The following ACSL5 variants were observed in gnomAD, a reference collection of about 807,000 sequenced individuals.
ACSL5 encodes the protein long-chain-fatty-acid--CoA ligase 5.
A neutral mutation model predicts 84.9 loss-of-function variants in ACSL5; 50 were observed. The ratio of observed to expected loss-of-function variants is 0.59; its 90% confidence interval spans 0.47 to 0.75. ACSL5 has a LOEUF of 0.75. Ranked by LOEUF, ACSL5 falls within the 30% of genes least tolerant of loss-of-function variation. ACSL5 has a pLI of 0.00. For synonymous variants in ACSL5, 280 were observed against 300.7 expected (o/e 0.93, Z 0.71); for missense variants, 775 against 830.4 (o/e 0.93, Z 0.82).
intron 1 of ACSL5, among the ~76,000 whole-genome samples, chr10:112,388,154 G>A (rs1037944104): frequency 3.3e-5 from 5 of 152,052 alleles, no homozygotes; most frequent in African/African-American, 4.8e-5. Flanking sequence ...TGGCCAGGCT[G>A]GTCTCGAACT....
chr10:112,392,597 C>T (rs1039420373), intron 1 of ACSL5, among the ~76,000 whole-genome samples: 2 of 151,998 alleles, frequency 1.3e-5, no homozygotes, highest in Non-Finnish European at 2.9e-5. Flanking sequence ...AAAAAGTAGG[C>T]CGGCATGGTG....
chr10:112,376,220 C>T lies in ACSL5; in HGVS notation c.-30+1951C>T, dbSNP rs74802221. On this transcript the variant is annotated intron_variant, in intron 1 of 20. Coordinates refer to ENST00000354655, the MANE Select transcript of ACSL5 (RefSeq NM_203379.2). ...AATTAAAACCAGGAAGTGAAGTCCCCGAGCACGTTAGAAAGCCTGACATGG... is the reference window on the plus strand; with the variant it reads ...AATTAAAACCAGGAAGTGAAGTCCCTGAGCACGTTAGAAAGCCTGACATGG... 2,622 of 1,534,172 alleles carry T rather than the reference C, an allele frequency of 1.7e-3. 41 individuals are homozygous for T. In the African/African-American group the frequency reaches 0.032, roughly 19 times the overall value.
chr10:112,411,976 A>ACAGGTGAGTGTT lies in ACSL5; in HGVS notation c.947_948+10dup. On this transcript the variant is annotated inframe_insertion, in exon 11 of 21. Transcript: ENST00000354655. Reference sequence around the variant, plus strand: ...TGGCTCATATGTTTGAGAGGATTGTACAGGTGAGTGTTCTGTGTTCCTAGC... The same window carrying ACAGGTGAGTGTT: ...TGGCTCATATGTTTGAGAGGATTGTACAGGTGAGTGTTCAGGTGAGTGTTCTGTGTTCCTAGC... 1 of 1,611,786 alleles carries ACAGGTGAGTGTT rather than the reference A, an allele frequency of 6.2e-7. No homozygotes were observed. The highest frequency in any genetic ancestry group is 8.5e-7 in the Non-Finnish European group (1 of 1,177,838).
At position 112,395,106 on chromosome 10, in the gene ACSL5, A is replaced by G; in HGVS notation, c.156+4A>G. On this transcript the variant is annotated splice_donor_region_variant and intron_variant, in intron 2 of 20. Coordinates refer to ENST00000354655, the MANE Select transcript of ACSL5 (RefSeq NM_203379.2). ...CAATCAGTCTGTGGGAATTGAGGTAATTTACCAGTCATCCTTTTAGTTTGT... is the reference window on the plus strand; with the variant it reads ...CAATCAGTCTGTGGGAATTGAGGTAGTTTACCAGTCATCCTTTTAGTTTGT... 1 of 1,610,304 alleles carries G rather than the reference A, an allele frequency of 6.2e-7. No homozygotes were observed.
At chr10:112,416,301 C>T (rs1453881291) in intron 12 of ACSL5, among the ~76,000 whole-genome samples, 1 of 151,936 alleles carries the variant, frequency 6.6e-6, no homozygotes, top group Non-Finnish European at 1.5e-5. Flanking sequence ...GAAACCCTGT[C>T]TCTACTAAAA....
chr10:112,389,530 C>T (rs944369331), intron 1 of ACSL5, among the ~76,000 whole-genome samples: 2 of 152,112 alleles, frequency 1.3e-5, no homozygotes, highest in Admixed American at 6.5e-5. Context: ...CATGACAGAG[C>T]CCTCTTTCCT....
At chr10:112,411,561 T>C in intron 10 of ACSL5, 32 bp downstream of exon 10, 1 of 1,582,116 alleles carries the variant, frequency 6.3e-7, no homozygotes, top group Non-Finnish European at 8.7e-7. Context: ...AGGCTCTCAT[T>C]AAAATGTGAA....
At chr10:112,413,031 GC>G in intron 11 of ACSL5, 141 bp from the exon 12 acceptor site, 1 of 815,746 alleles carries the variant, frequency 1.2e-6, no homozygotes. Flanking sequence ...GTGTGCCTCA[GC>G]CCACTTCCCA....
chr10:112,408,351 G>T, intron 5 of ACSL5, 71 bp from the exon 6 acceptor site: 27 of 873,336 alleles, frequency 3.1e-5, no homozygotes, highest in Non-Finnish European at 4.3e-5. Context: ...GACAGCATTT[G>T]TTGGCTGAAT....
At chr10:112,415,983 C>G (rs924057060) in intron 12 of ACSL5, among the ~76,000 whole-genome samples, 11 of 151,924 alleles carry the variant, frequency 7.2e-5, no homozygotes, top group Non-Finnish European at 1.5e-5. Flanking sequence ...GGAAATCATG[C>G]GAGCTGGAAA....
chr10:112,408,634 G>C (rs1844106295), intron 6 of ACSL5, 113 bp downstream of exon 6: 1 of 765,132 alleles, frequency 1.3e-6, no homozygotes, highest in Non-Finnish European at 2.2e-6. Flanking sequence ...GAAATGCTGT[G>C]GTCGGAAAAT....
chr10:112,424,843 C>G (rs1187704733), intron 17 of ACSL5: 1 of 152,226 alleles, frequency 6.6e-6, no homozygotes, highest in East Asian at 1.9e-4. Context: ...CCTAACAAGC[C>G]CAGTAATTGA....
chr10:112,376,486 G>T (rs1460426795), intron 1 of ACSL5: 1 of 1,613,174 alleles, frequency 6.2e-7, no homozygotes, highest in Non-Finnish European at 8.5e-7. Flanking sequence ...TCAGCAAGGG[G>T]GTCTTGTGAG....
At chr10:112,376,587 T>A in intron 1 of ACSL5, 2 of 1,220,372 alleles carry the variant, frequency 1.6e-6, no homozygotes, top group Non-Finnish European at 2.3e-6. Context: ...GGGCACATCA[T>A]GCTGTCTCCC....
intron 1 of ACSL5, among the ~76,000 whole-genome samples, chr10:112,392,103 G>C (rs1025729877): frequency 4.6e-5 from 7 of 152,190 alleles, no homozygotes; most frequent in African/African-American, 1.4e-4. Flanking sequence ...TTCCATAGTC[G>C]AACAGGAGGG....
intron 1 of ACSL5, among the ~76,000 whole-genome samples, chr10:112,387,936 C>CTT (rs35032191): frequency 0.31 from 36,379 of 118,306 alleles, 6,584 homozygotes; most frequent in East Asian, 0.5. Context: ...TTATTTGTTC[C>CTT]TTTTTTTTTT....
Position 112,394,970 on chromosome 10 carries a change from G to T in ACSL5, c.24G>T (p.Leu8Phe). The T allele has an allele frequency of 6.2e-7, 1 of 1,612,878 alleles. No individual in the cohort carries two copies. The highest frequency in any genetic ancestry group is 8.5e-7 in the Non-Finnish European group (1 of 1,179,788). MLFIFNFLFSPLPTPALI... is the reference protein window; with the variant it reads MLFIFNFFFSPLPTPALI... ...AGATGCTTTTTATCTTTAACTTTTT[G>T]TTTTCCCCACTTCCGACCCCGGCGT... Residue 8 changes from leucine to phenylalanine, a missense_variant, in exon 2 of 21, where the codon TTG becomes TTT. Leu to Phe is a conservative substitution (Grantham distance 22). Coordinates refer to ENST00000354655, the MANE Select transcript of ACSL5 (RefSeq NM_203379.2).
At chr10:112,381,725 T>G (rs1849355079) in intron 1 of ACSL5, among the ~76,000 whole-genome samples, 1 of 150,636 alleles carries the variant, frequency 6.6e-6, no homozygotes, top group Non-Finnish European at 1.5e-5. Flanking sequence ...TCCCAGCACT[T>G]TGGGAGGTCG....
chr10:112,385,781 C>T (rs948155452), intron 1 of ACSL5, among the ~76,000 whole-genome samples: 4 of 152,040 alleles, frequency 2.6e-5, no homozygotes, highest in South Asian at 4.1e-4. Flanking sequence ...ATCTTTTCTG[C>T]GGGAAAATTT....
Sources: allele counts gnomAD v4.1 joint callset (sites outside exome capture counted in the v4.1 genomes callset), GRCh38; gene constraint gnomAD v4.1.1; transcripts MANE v1.5; gene names NCBI Gene and HGNC (gene_info 2026-07-23, HGNC 2026-07-21).